The following ULK4 variants were observed in gnomAD, a reference collection of about 807,000 sequenced individuals.
ULK4 encodes the protein unc-51 like kinase 4, also known as inactive serine/threonine-protein kinase ULK4.
Under a neutral mutation model 160.6 loss-of-function variants are expected in ULK4, and 133 were observed. The observed-to-expected ratio is 0.83, with a 90% CI of 0.72 to 0.96. The LOEUF (loss-of-function observed/expected upper bound fraction) is 0.96, where lower values mean the gene tolerates loss of function less well. ULK4 is among the 40% of genes least tolerant of loss of function. The probability of loss-of-function intolerance (pLI) is 0.00; values close to 1 mark genes in which losing one functional copy is unlikely to be tolerated. For missense variants in ULK4, 1,580 were observed against 1,499.5 expected (o/e 1.05, Z -0.89); for synonymous variants, 534 against 539.8 (o/e 0.99, Z 0.15).
intron 35 of ULK4, among the ~76,000 whole-genome samples, chr3:41,315,427 G>A (rs9844069): frequency 0.15 from 22,815 of 152,102 alleles, 1,994 homozygotes; most frequent in African/African-American, 0.23. Flanking sequence ...GAATGGTGGC[G>A]TGAGAAGCTA....
chr3:41,443,702 T>C (rs968173774), intron 34 of ULK4, among the ~76,000 whole-genome samples: 1 of 152,100 alleles, frequency 6.6e-6, no homozygotes, highest in Admixed American at 6.6e-5. Flanking sequence ...TCTTTGTATA[T>C]ATATCGTGAT....
chr3:41,534,397 G>A (rs757823225), intron 32 of ULK4, among the ~76,000 whole-genome samples: 1 of 151,778 alleles, frequency 6.6e-6, no homozygotes, highest in Non-Finnish European at 1.5e-5. Flanking sequence ...CATTGCACAG[G>A]GATTAGCCAG....
chr3:41,904,696 C>T (rs1267251787), intron 12 of ULK4, among the ~76,000 whole-genome samples: 1 of 152,152 alleles, frequency 6.6e-6, no homozygotes, highest in Non-Finnish European at 1.5e-5. Flanking sequence ...AAATAAGCTT[C>T]ACATGGTCCA....
intron 19 of ULK4, among the ~76,000 whole-genome samples, chr3:41,817,297 G>GTA (rs1017711226): frequency 3.9e-5 from 6 of 152,168 alleles, no homozygotes; most frequent in African/African-American, 1.4e-4. Flanking sequence ...ATATTTCATG[G>GTA]TATATATATG....
chr3:41,329,712 AAT>A (rs1025406400), intron 35 of ULK4, among the ~76,000 whole-genome samples: 10 of 152,214 alleles, frequency 6.6e-5, no homozygotes, highest in African/African-American at 2.4e-4. Flanking sequence ...AAATTTACAT[AAT>A]AGATATTCCA....
rs540074357 is a variant in ULK4 at position 41,288,077 on chromosome 3, T to A, written c.3679-38503A>T. ...AAATAAAGAGAACACGATGATTTCT[T>A]TGGTGAGGATGAGAATTACACTAAA... On this transcript the variant is annotated intron_variant, in intron 35 of 36. Coordinates refer to ENST00000301831, the MANE Select transcript of ULK4 (RefSeq NM_017886.4). Among the ~76,000 whole-genome samples the A allele has an allele frequency of 5.3e-5, 8 of 152,334 alleles. No homozygotes were observed. In the East Asian group the frequency reaches 1.5e-3, roughly 29 times the overall value.
chr3:41,715,512 G>A lies in ULK4; in HGVS notation c.2512C>T (p.Gln838Ter), dbSNP rs1265880372. The part of the protein sequence containing the change: ...VSGRKHPSTV[Q>*]VKQLKLCLPL... ...AGACACAACTTCAGCTGTTTCACTTGAACTGTTGATGGGTGTTTACGTCCA... is the reference window on the plus strand; with the variant it reads ...AGACACAACTTCAGCTGTTTCACTTAAACTGTTGATGGGTGTTTACGTCCA... Residue 838 changes from glutamine to a stop codon, truncating the protein, a stop_gained, in exon 24 of 37, where the codon CAA becomes TAA. Transcript: ENST00000301831. LOFTEE classifies it high-confidence loss of function. The A allele has an allele frequency of 8.7e-6, 14 of 1,613,978 alleles. No individual in the cohort carries two copies. The highest frequency in any genetic ancestry group is 9.3e-6 in the Non-Finnish European group (11 of 1,180,004).
chr3:41,730,710 T>G (rs1575617710), intron 22 of ULK4, among the ~76,000 whole-genome samples: 1 of 152,162 alleles, frequency 6.6e-6, no homozygotes, highest in Admixed American at 6.5e-5. Flanking sequence ...CAGTAATCCT[T>G]TTCAAAGTAC....
At chr3:41,512,950 T>G (rs1443647078) in intron 32 of ULK4, among the ~76,000 whole-genome samples, 1 of 151,824 alleles carries the variant, frequency 6.6e-6, no homozygotes, top group Admixed American at 6.6e-5. Flanking sequence ...TAAAATATAA[T>G]AGAGAAACCA....
chr3:41,522,063 T>C (rs573244970), intron 32 of ULK4, among the ~76,000 whole-genome samples: 2 of 152,270 alleles, frequency 1.3e-5, no homozygotes, highest in South Asian at 2.1e-4. Context: ...GTGTTATACG[T>C]CCCTCCTTGC....
At chr3:41,580,423 C>G (rs1031103404) in intron 31 of ULK4, among the ~76,000 whole-genome samples, 2 of 150,650 alleles carry the variant, frequency 1.3e-5, no homozygotes, top group East Asian at 2.0e-4. Flanking sequence ...AAGAAATCAT[C>G]TATATATTGA....
At chr3:41,431,713 G>A (rs575439408) in intron 34 of ULK4, among the ~76,000 whole-genome samples, 3 of 150,720 alleles carry the variant, frequency 2.0e-5, no homozygotes, top group African/African-American at 4.9e-5. Flanking sequence ...GCCTCATATC[G>A]AATGTCAAAT....
rs1036003950 is a variant in ULK4 at position 41,776,660 on chromosome 3, T to G, written c.2193+13001A>C. Among the ~76,000 whole-genome samples the G allele has an allele frequency of 5.3e-5, 6 of 112,896 alleles. 1 individual carries two copies. Among genetic ancestry groups the G allele is most frequent in the African/African-American group, 1.9e-4 (6 of 31,450 alleles). The allele number at this position is 112,896 out of a possible 152,430, so 74.1% of individuals were successfully genotyped here. A position where few individuals can be genotyped will look rare whatever the true frequency, so the allele number is the denominator to read the frequency against. ...TTGTTGAATTTTGTCAAAGGCTTTT[T>G]CTGCATCTATTGAGATAATCATGTG... On this transcript the variant is annotated intron_variant, in intron 21 of 36. Coordinates refer to ENST00000301831, the MANE Select transcript of ULK4 (RefSeq NM_017886.4).
At chr3:41,923,494 T>A (rs1699274527) in intron 5 of ULK4, among the ~76,000 whole-genome samples, 1 of 152,246 alleles carries the variant, frequency 6.6e-6, no homozygotes, top group South Asian at 2.1e-4. Context: ...CAAGAGCTCA[T>A]CTCAAAACAA....
intron 31 of ULK4, among the ~76,000 whole-genome samples, chr3:41,571,883 A>G (rs2087987777): frequency 6.6e-6 from 1 of 152,224 alleles, no homozygotes; most frequent in Non-Finnish European, 1.5e-5. Context: ...GAGAGATGAA[A>G]GCAGGTGAAG....
At chr3:41,264,977 C>G (rs1454538307) in intron 35 of ULK4, among the ~76,000 whole-genome samples, 1 of 152,204 alleles carries the variant, frequency 6.6e-6, no homozygotes, top group African/African-American at 2.4e-5. Context: ...AGGGCTGGGG[C>G]CTAAGACCTA....
At chr3:41,906,956 G>A (rs998544788) in intron 12 of ULK4, among the ~76,000 whole-genome samples, 1 of 150,018 alleles carries the variant, frequency 6.7e-6, no homozygotes, top group Non-Finnish European at 1.5e-5. Context: ...TCGCGCCACT[G>A]CACTCCAGCC....
chr3:41,267,051 T>G (rs991004585), intron 35 of ULK4, among the ~76,000 whole-genome samples: 2 of 150,526 alleles, frequency 1.3e-5, no homozygotes, highest in Non-Finnish European at 3.0e-5. Flanking sequence ...TTTTTTTTTT[T>G]GCTTTTAAGT....
At chr3:41,505,786 CT>C (rs1247155900) in intron 32 of ULK4, among the ~76,000 whole-genome samples, 2 of 152,074 alleles carry the variant, frequency 1.3e-5, no homozygotes, top group Admixed American at 1.3e-4. Flanking sequence ...TTCCTTTCTA[CT>C]TTTAATGCAT....
Sources: allele counts gnomAD v4.1 joint callset (sites outside exome capture counted in the v4.1 genomes callset), GRCh38; gene constraint gnomAD v4.1.1; transcripts MANE v1.5; gene names NCBI Gene and HGNC (gene_info 2026-07-23, HGNC 2026-07-21).